Variants in GPD2 observed in about 807,000 individuals in gnomAD.
The protein encoded by GPD2 is glycerol-3-phosphate dehydrogenase, mitochondrial.
A neutral mutation model predicts 82.4 loss-of-function variants in GPD2; 54 were observed. That is an observed-to-expected ratio of 0.66 (90% CI 0.53 to 0.82). The LOEUF is 0.82. Ranked by LOEUF, GPD2 falls within the 40% of genes least tolerant of loss-of-function variation. GPD2 has a pLI of 0.00. For missense variants in GPD2, 748 were observed against 896.2 expected, an observed-to-expected ratio of 0.83 and a Z score of 2.11; for synonymous variants, 288 against 306.1, an observed-to-expected ratio of 0.94 and a Z score of 0.62.
intron 1 of GPD2, among the ~76,000 whole-genome samples, chr2:156,441,169 G>T (rs1389998887): frequency 6.6e-6 from 1 of 152,184 alleles, no homozygotes; most frequent in African/African-American, 2.4e-5. Flanking sequence ...TGCCCAGAGA[G>T]GACACCCCTT....
At chr2:156,439,039 T>A (rs559515580) in intron 1 of GPD2, among the ~76,000 whole-genome samples, 18 of 152,356 alleles carry the variant, frequency 1.2e-4, no homozygotes, top group Non-Finnish European at 2.4e-4. Flanking sequence ...CTGAAGACTA[T>A]TGGAAAGATC....
chr2:156,482,321 A>G (rs1314585716), intron 2 of GPD2, among the ~76,000 whole-genome samples: 1 of 152,148 alleles, frequency 6.6e-6, no homozygotes, highest in Non-Finnish European at 1.5e-5. Context: ...ATCAACACCA[A>G]TTGTTGACTT....
chr2:156,578,372 C>CTT (rs796774498), intron 13 of GPD2, among the ~76,000 whole-genome samples: 4,818 of 146,058 alleles, frequency 0.033, 262 homozygotes, highest in African/African-American at 0.11. Flanking sequence ...CCTTTAATTA[C>CTT]TTTTTTTTTT....
chr2:156,474,832 A>G (rs1485174745), intron 1 of GPD2, among the ~76,000 whole-genome samples: 1 of 151,978 alleles, frequency 6.6e-6, no homozygotes, highest in Non-Finnish European at 1.5e-5. Context: ...TATTCAGTGG[A>G]GCAGAGTGTG....
At chr2:156,516,932 A>G (rs2105280526) in intron 6 of GPD2, among the ~76,000 whole-genome samples, 1 of 152,366 alleles carries the variant, frequency 6.6e-6, no homozygotes, top group Non-Finnish European at 1.5e-5. Flanking sequence ...GGTATCTTCA[A>G]CGCAGAGATG....
In GPD2 at chr2:156,552,402, C is replaced by T. The variant is rs574450027; in HGVS notation, c.971+1656C>T. 9.2e-5 allele frequency among the ~76,000 whole-genome samples: 14 copies of T among 152,256 alleles called. No individual in the cohort carries two copies. The South Asian group carries it at 2.9e-3, about 32-fold the overall frequency. On this transcript the variant is annotated intron_variant, in intron 8 of 16. Coordinates refer to ENST00000438166, the MANE Select transcript of GPD2 (RefSeq NM_000408.5). ...TGTTTCTCGTATATAGAGAAGTTTT[C>T]AACATTAGTTCCAGATGCAATTGTA...
the GPD2 span, among the ~76,000 whole-genome samples, chr2:156,424,079 C>A: frequency 6.6e-6 from 1 of 152,060 alleles, no homozygotes; most frequent in African/African-American, 2.4e-5. Flanking sequence ...CAAACAAGGG[C>A]TGGAGAGAAC....
chr2:156,492,017 C>CT (rs1684193549), intron 2 of GPD2, among the ~76,000 whole-genome samples: 1 of 122,762 alleles, frequency 8.1e-6, no homozygotes, highest in Non-Finnish European at 1.8e-5. Context: ...GAGACTCCAT[C>CT]TAAAAAAAAA....
chr2:156,426,945 G>A, the GPD2 span, among the ~76,000 whole-genome samples: 1 of 152,250 alleles, frequency 6.6e-6, no homozygotes, highest in East Asian at 1.9e-4. Context: ...TGACATGCAG[G>A]TGATTTATTA....
intron 1 of GPD2, among the ~76,000 whole-genome samples, chr2:156,452,978 T>C (rs944601477): frequency 6.6e-5 from 10 of 152,286 alleles, no homozygotes; most frequent in Admixed American, 5.2e-4. Flanking sequence ...TGTGATGATA[T>C]TGGGGTGTGG....
At chr2:156,415,967 G>A in the GPD2 span, among the ~76,000 whole-genome samples, 3 of 105,754 alleles carry the variant, frequency 2.8e-5, no homozygotes, top group Non-Finnish European at 6.9e-5. Flanking sequence ...CTTGCAGTGA[G>A]CCGAGATCCC....
intron 6 of GPD2, among the ~76,000 whole-genome samples, chr2:156,517,982 T>C (rs1164870440): frequency 6.6e-6 from 1 of 152,248 alleles, no homozygotes; most frequent in Non-Finnish European, 1.5e-5. Context: ...ATGTCTGTTG[T>C]TTCATACCCG....
intron 3 of GPD2, among the ~76,000 whole-genome samples, chr2:156,507,911 A>G (rs2105264341): frequency 6.6e-6 from 1 of 152,220 alleles, no homozygotes; most frequent in South Asian, 2.1e-4. Flanking sequence ...GGCTTTGTCG[A>G]TGATCTTTCC....
At chr2:156,581,490 T>C (rs1688022476) in intron 16 of GPD2, among the ~76,000 whole-genome samples, 1 of 152,146 alleles carries the variant, frequency 6.6e-6, no homozygotes, top group South Asian at 2.1e-4. Context: ...CAATAAACAA[T>C]AAATTGTTCC....
chr2:156,473,467 C>T (rs2105196742), intron 1 of GPD2: 1 of 152,296 alleles, frequency 6.6e-6, no homozygotes, highest in South Asian at 2.1e-4. Context: ...TTTTCATTGA[C>T]TGTGTTGTAT....
intron 3 of GPD2, among the ~76,000 whole-genome samples, chr2:156,510,022 A>T (rs1365918693): frequency 6.6e-6 from 1 of 151,908 alleles, no homozygotes; most frequent in Non-Finnish European, 1.5e-5. Context: ...ACCTCAAGTG[A>T]TCCACCCGCC....
Position 156,510,785 on chromosome 2 carries a change from T to C in GPD2, c.275-11T>C, listed in dbSNP as rs1211129924. 6.2e-7 allele frequency: 1 copy of C among 1,610,408 alleles called. No homozygotes were observed. ...AATTTAAGAAGTTAATTTGGTTTTCTGGTTACACAGGACTAAAAACAGCCC... is the reference window on the plus strand; with the variant it reads ...AATTTAAGAAGTTAATTTGGTTTTCCGGTTACACAGGACTAAAAACAGCCC... On this transcript the variant is annotated splice_polypyrimidine_tract_variant and intron_variant, in intron 3 of 16. Transcript: ENST00000438166.
intron 2 of GPD2, among the ~76,000 whole-genome samples, chr2:156,484,299 C>T (rs1683850918): frequency 1.3e-5 from 2 of 151,756 alleles, no homozygotes; most frequent in East Asian, 3.9e-4. Flanking sequence ...CCACGGCCGG[C>T]TAATTTTTGT....
chr2:156,551,234 T>C (rs1027554215), intron 8 of GPD2, among the ~76,000 whole-genome samples: 3 of 152,122 alleles, frequency 2.0e-5, no homozygotes, highest in Non-Finnish European at 1.5e-5. Flanking sequence ...AAACCAGATA[T>C]ATCTAATCTA....
Sources: allele counts gnomAD v4.1 joint callset (sites outside exome capture counted in the v4.1 genomes callset), GRCh38; gene constraint gnomAD v4.1.1; transcripts MANE v1.5; gene names NCBI Gene and HGNC (gene_info 2026-07-23, HGNC 2026-07-21).